ALMS1: variants seen among roughly 807,000 people sequenced by gnomAD.
ALMS1 encodes centrosome-associated protein ALMS1.
Under a neutral mutation model 352.2 loss-of-function variants are expected in ALMS1, and 271 were observed. The observed-to-expected ratio is 0.77, with a 90% CI of 0.70 to 0.85. The LOEUF (loss-of-function observed/expected upper bound fraction) is 0.85, where lower values mean the gene tolerates loss of function less well. Among genes scored for constraint, ALMS1 ranks in the 40% least tolerant of loss-of-function variants. The pLI is 0.00. For synonymous variants in ALMS1, 1,865 were observed against 1,761.2 expected (o/e 1.06, Z -1.48); for missense variants, 5,445 against 4,870.7 (o/e 1.12, Z -3.51).
rs556299055 is a variant in ALMS1 at position 73,573,505 on chromosome 2, AAAAC to A, written c.11547+84_11547+87del. The A allele has an allele frequency of 1.1e-4, 165 of 1,468,674 alleles. 1 individual carries two copies. In the South Asian group the frequency reaches 1.7e-3, roughly 15 times the overall value. 91.0% of individuals were successfully genotyped at this position (1,468,674 alleles called of 1,614,324 possible). ...AGTTAAGCTTTGCACACAGGTGAAAAAAACAAGCCATTTGCCCTTTCCTCTCTAT... is the reference window on the plus strand; with the variant it reads ...AGTTAAGCTTTGCACACAGGTGAAAAAAGCCATTTGCCCTTTCCTCTCTAT... On this transcript the variant is annotated intron_variant, in intron 16 of 22. Coordinates refer to ENST00000613296, the MANE Select transcript of ALMS1 (RefSeq NM_001378454.1).
Position 73,453,037 on chromosome 2 carries a change from T to G in ALMS1, c.6510T>G (p.Ser2170Arg). Reference protein sequence around the residue: ...HLTEDALKISSALGQADQITG... With the variant: ...HLTEDALKISRALGQADQITG... ...CTGAAGATGCTCTAAAGATCTCAAG[T>G]GCTCTTGGGCAAGCTGATCAAATTA... is the stretch of plus-strand genomic sequence containing the variant. The change falls in exon 8 of 23, where the codon AGT becomes AGG. Residue 2170 changes from serine to arginine, a missense_variant. Transcript: ENST00000613296. The G allele has an allele frequency of 6.2e-7, 1 of 1,613,752 alleles. No homozygotes were observed. The highest frequency in any genetic ancestry group is 8.5e-7 in the Non-Finnish European group (1 of 1,179,962).
rs1389525541 is a variant in ALMS1, at chr2:73,448,950, C to G, written c.2423C>G (p.Ser808Cys). Residue 808 changes from serine (S) to cysteine (C), a missense_variant, in exon 8 of 23, where the codon TCT becomes TGT. Physicochemically the swap from Ser to Cys is moderately radical, Grantham distance 112. Transcript: ENST00000613296. ...DQKTGLPTVP[S>C]SAYSHREKLL... ...AAGACTGGCCTACCAACAGTACCCT[C>G]TAGTGCATACTCACACAGAGAGAAG... The G allele has an allele frequency of 1.2e-6, 2 of 1,614,046 alleles. No individual in the cohort carries two copies. Among genetic ancestry groups the G allele is most frequent in the Non-Finnish European group, 1.7e-6 (2 of 1,180,010 alleles).
intron 4 of ALMS1, 80 bp downstream of exon 4, chr2:73,423,054 T>C (rs1671314912): frequency 7.6e-7 from 1 of 1,315,382 alleles, no homozygotes; most frequent in Non-Finnish European, 1.1e-6. Flanking sequence ...CAGGCTAAGG[T>C]GGGACTTTGA....
At chr2:73,536,325 A>G (rs897840598) in intron 12 of ALMS1, among the ~76,000 whole-genome samples, 31 of 152,168 alleles carry the variant, frequency 2.0e-4, no homozygotes, top group African/African-American at 7.2e-4. Context: ...ATCTGGTTGG[A>G]GAGATTAACT....
intron 11 of ALMS1, among the ~76,000 whole-genome samples, chr2:73,522,108 C>G (rs1258665324): frequency 6.6e-6 from 1 of 152,142 alleles, no homozygotes; most frequent in African/African-American, 2.4e-5. Flanking sequence ...GACAGGCAGT[C>G]CAGTGTAACC....
At chr2:73,495,738 T>C (rs991208613) in intron 10 of ALMS1, among the ~76,000 whole-genome samples, 2 of 152,052 alleles carry the variant, frequency 1.3e-5, no homozygotes, top group African/African-American at 2.4e-5. Flanking sequence ...TTTTAAATCA[T>C]GTGTCCATAT....
At chr2:73,408,289 A>C (rs1378724070) in intron 1 of ALMS1, among the ~76,000 whole-genome samples, 1 of 152,202 alleles carries the variant, frequency 6.6e-6, no homozygotes, top group East Asian at 1.9e-4. Context: ...TTCTTGTGCT[A>C]TGAGTTGATT....
At position 73,453,131 on chromosome 2, in the gene ALMS1, G is replaced by A. The variant is rs371544118; in HGVS notation, c.6604G>A (p.Val2202Ile). 6.2e-7 allele frequency: 1 copy of A among 1,613,930 alleles called. No homozygotes were observed. The highest frequency in any genetic ancestry group is 1.3e-5 in the African/African-American group (1 of 74,934). The change falls in exon 8 of 23, where the codon GTC becomes ATC. Residue 2202 changes from valine to isoleucine, a missense_variant. Val to Ile is a conservative substitution (Grantham distance 29). Coordinates refer to ENST00000613296, the MANE Select transcript of ALMS1 (RefSeq NM_001378454.1). The part of the protein sequence containing the change: ...GENHKLVSEH[V>I]QRLIDNLNSS... ...GAATCACAAGCTTGTTTCAGAACAT[G>A]TCCAAAGGCTAATAGATAATTTGAA...
chr2:73,594,257 T>A (rs62149783), intron 16 of ALMS1, among the ~76,000 whole-genome samples: 47,019 of 152,036 alleles, frequency 0.31, 9,072 homozygotes, highest in African/African-American at 0.55. Context: ...TCTTTGATTG[T>A]CATCTTCCTA....
Position 73,453,537 on chromosome 2 carries a change from G to T in ALMS1, c.7010G>T (p.Gly2337Val), listed in dbSNP as rs1432483006. The stretch of plus-strand genomic sequence containing the variant: ...AGCAGGTGCATACAGAAGGATATTG[G>T]CACACAGACGAATTTGAAATGCCGG... ...PSSRCIQKDI[G>V]TQTNLKCRRG... Residue 2337 changes from glycine (G) to valine (V), a missense_variant, in exon 8 of 23, where the codon GGC (glycine) becomes GTC (valine). Transcript: ENST00000613296. 1.2e-6 allele frequency: 2 copies of T among 1,613,734 alleles called. No homozygotes were observed. The highest frequency in any genetic ancestry group is 1.1e-5 in the South Asian group (1 of 91,050).
chr2:73,445,715 G>A (rs1331308155), intron 7 of ALMS1, among the ~76,000 whole-genome samples: 1 of 152,090 alleles, frequency 6.6e-6, no homozygotes, highest in Non-Finnish European at 1.5e-5. Flanking sequence ...TACCCAGGTT[G>A]TTAGTCTTAA....
At position 73,600,777 on chromosome 2, in the gene ALMS1, G is replaced by A. The variant is rs1259928504; in HGVS notation, c.11768G>A (p.Ser3923Asn). ...AGCGAGGCTAAATTGGAAGAGAACA[G>A]TGATGTGACTTCTTGGTCAGAAGAA... is the stretch of plus-strand genomic sequence containing the variant. ...SSSEAKLEEN[S>N]DVTSWSEEKR... The change falls in exon 18 of 23, where the codon AGT (serine) becomes AAT (asparagine). Residue 3923 changes from serine (S) to asparagine (N), a missense_variant. Coordinates refer to ENST00000613296, the MANE Select transcript of ALMS1 (RefSeq NM_001378454.1). 6 of 1,614,202 alleles carry A rather than the reference G, an allele frequency of 3.7e-6. No homozygotes were observed. Among genetic ancestry groups the A allele is most frequent in the East Asian group, 2.2e-5 (1 of 44,884 alleles).
chr2:73,494,480 CACA>C (rs1673061845), intron 10 of ALMS1, among the ~76,000 whole-genome samples: 1 of 152,062 alleles, frequency 6.6e-6, no homozygotes, highest in Non-Finnish European at 1.5e-5. Flanking sequence ...CAGGTTTTTC[CACA>C]AATGAACCTT....
chr2:73,493,525 C>T (rs1464568662), intron 10 of ALMS1, among the ~76,000 whole-genome samples: 1 of 151,940 alleles, frequency 6.6e-6, no homozygotes, highest in Admixed American at 6.6e-5. Flanking sequence ...GAATTTGAGA[C>T]CAGCATGATC....
At chr2:73,462,051 A>T (rs918931349) in intron 9 of ALMS1, among the ~76,000 whole-genome samples, 3 of 151,984 alleles carry the variant, frequency 2.0e-5, no homozygotes, top group Non-Finnish European at 2.9e-5. Flanking sequence ...ATCCGGGAGA[A>T]CTTCCCCAAT....
Position 73,490,089 on chromosome 2 carries a change from GT to G in ALMS1, c.8133del (p.Phe2711LeufsTer75), listed in dbSNP as rs1553409683. Reference protein sequence around the residue: ...QMPSPEPMKKFTTSITFSSHR... With the variant: ...QMPSPEPMKKXTTSITFSSHR... The stretch of plus-strand genomic sequence containing the variant: ...TGCCGTCCCCAGAACCCATGAAAAA[GT>G]TTACTACCTCCATCACTTTTTCATC... On this transcript the variant is annotated frameshift_variant, in exon 10 of 23. Transcript: ENST00000613296. LOFTEE classifies it high-confidence loss of function. The G allele has an allele frequency of 6.2e-6, 10 of 1,614,028 alleles. No homozygotes were observed. Among genetic ancestry groups the G allele is most frequent in the Non-Finnish European group, 7.6e-6 (9 of 1,180,042 alleles).
rs560052006 is a variant in ALMS1, at chr2:73,551,517, A to G, written c.10078+1080A>G. On this transcript the variant is annotated intron_variant, in intron 13 of 22. Coordinates refer to ENST00000613296, the MANE Select transcript of ALMS1 (RefSeq NM_001378454.1). ...GATGGCGCGATCTTGGCACACTGCA[A>G]CCTTCACCTCCCGGGTTCAAGCGAT... is the stretch of plus-strand genomic sequence containing the variant. Among the ~76,000 whole-genome samples, 7 of 141,918 alleles carry G rather than the reference A, an allele frequency of 4.9e-5. No homozygotes were observed. In the East Asian group the frequency reaches 8.1e-4, roughly 16 times the overall value. The allele number at this position is 141,918 out of a possible 152,430, so 93.1% of individuals were successfully genotyped here. A position where few individuals can be genotyped will look rare whatever the true frequency, so the allele number is the denominator to read the frequency against.
chr2:73,447,121 A>G (rs926326332), intron 7 of ALMS1, among the ~76,000 whole-genome samples: 1 of 152,178 alleles, frequency 6.6e-6, no homozygotes, highest in Non-Finnish European at 1.5e-5. Context: ...TTTTGAATGA[A>G]CAATGAATGA....
Position 73,573,247 on chromosome 2 carries a change from G to T in ALMS1, c.11370G>T (p.Leu3790=), listed in dbSNP as rs1389971461. 1 of 1,613,782 alleles carries T rather than the reference G, an allele frequency of 6.2e-7. No homozygotes were observed. The highest frequency in any genetic ancestry group is 1.7e-5 in the Admixed American group (1 of 59,986). The change falls in exon 16 of 23, where the codon CTG becomes CTT. Residue 3790 remains leucine, a synonymous_variant. Coordinates refer to ENST00000613296, the MANE Select transcript of ALMS1 (RefSeq NM_001378454.1). ...TTTCCACTATTGACACTGCCCGGCT[G>T]ATTCAAGCTTTTGGCCATGAAAGAG... is the stretch of plus-strand genomic sequence containing the variant. ...SSVSTIDTAR[L]IQAFGHERVC... is the part of the protein sequence containing the mutation.
Sources: gnomAD v4.1 joint callset for allele counts (sites outside exome capture counted in the v4.1 genomes callset) on GRCh38, gnomAD v4.1.1 for gene constraint, MANE v1.5 for transcripts, NCBI Gene and HGNC (gene_info 2026-07-23, HGNC 2026-07-21) for gene names.